The following CREB1 variants were observed in gnomAD, a reference collection of about 807,000 sequenced individuals.
The protein encoded by CREB1 is cAMP responsive element binding protein 1.
A neutral mutation model predicts 42.0 loss-of-function variants in CREB1; 2 were observed. The observed-to-expected ratio is 0.05, with a 90% CI of 0.02 to 0.15. The LOEUF (loss-of-function observed/expected upper bound fraction) is 0.15. Ranked by LOEUF, CREB1 falls within the 10% of genes least tolerant of loss-of-function variation. CREB1 has a pLI of 1.00. For missense variants in CREB1, 199 were observed against 388.9 expected, an observed-to-expected ratio of 0.51 and a Z score of 4.11; for synonymous variants, 123 against 139.9, an observed-to-expected ratio of 0.88 and a Z score of 0.85.
Position 207,598,900 on chromosome 2 carries a change from G to A in CREB1, c.*1842G>A, listed in dbSNP as rs79736988. Reference sequence around the variant, plus strand: ...GAAATTCCTTTTAAAAAAGAGTTGAGACACTTAGAAAACTAATGTTTTATA... The same window carrying A: ...GAAATTCCTTTTAAAAAAGAGTTGAAACACTTAGAAAACTAATGTTTTATA... On this transcript the variant is annotated 3_prime_UTR_variant, in exon 8 of 8. Coordinates refer to ENST00000353267, the MANE Select transcript of CREB1 (RefSeq NM_004379.5). 5.8e-3 allele frequency: 1,030 copies of A among 179,006 alleles called. 13 individuals are homozygous for A. The highest frequency in any genetic ancestry group is 0.023 in the African/African-American group (977 of 42,430). 11.1% of individuals were successfully genotyped at this position (179,006 alleles called of 1,614,324 possible).
chr2:207,588,747 G>GTT (rs2084383700), intron 7 of CREB1, among the ~76,000 whole-genome samples: 2 of 145,290 alleles, frequency 1.4e-5, no homozygotes, highest in South Asian at 4.3e-4. Context: ...TTTTTTGTGT[G>GTT]TGGGGGTGGG....
intron 7 of CREB1, among the ~76,000 whole-genome samples, chr2:207,589,278 C>T (rs2106636546): frequency 6.6e-6 from 1 of 152,292 alleles, no homozygotes; most frequent in Admixed American, 6.5e-5. Context: ...CCATTTCTAG[C>T]TTCTAGAGGC....
intron 7 of CREB1, among the ~76,000 whole-genome samples, chr2:207,579,521 A>T (rs1039016706): frequency 1.3e-5 from 2 of 152,182 alleles, no homozygotes; most frequent in South Asian, 4.1e-4. Flanking sequence ...TTTCTTTCAG[A>T]TTTATGACCA....
rs528447298 is a variant in CREB1, at chr2:207,602,979, T to C, written c.*5921T>C. 4.7e-6 allele frequency: 1 copy of C among 214,332 alleles called. No individual in the cohort carries two copies. Among genetic ancestry groups the C allele is most frequent in the East Asian group, 6.9e-5 (1 of 14,412 alleles). 13.3% of individuals were successfully genotyped at this position (214,332 alleles called of 1,614,324 possible). On this transcript the variant is annotated 3_prime_UTR_variant, in exon 8 of 8. Coordinates refer to ENST00000353267, the MANE Select transcript of CREB1 (RefSeq NM_004379.5). ...ATAATCAGGGAAGTTCCTAGAAAGG[T>C]GTTTGGCTTTTTGGTTTTTGAGGGT...
intron 3 of CREB1, among the ~76,000 whole-genome samples, chr2:207,562,765 T>C (rs1280864619): frequency 6.6e-6 from 1 of 152,220 alleles, no homozygotes; most frequent in Non-Finnish European, 1.5e-5. Context: ...GGAGAGGATC[T>C]TCTAGATGGG....
chr2:207,570,398 C>A, intron 5 of CREB1, 77 bp downstream of exon 5: 1 of 1,370,040 alleles, frequency 7.3e-7, no homozygotes, highest in Non-Finnish European at 9.9e-7. Flanking sequence ...GCATTCTCTT[C>A]AGAGAAACCA....
chr2:207,591,407 A>G (rs925848299), intron 7 of CREB1, among the ~76,000 whole-genome samples: 14 of 152,160 alleles, frequency 9.2e-5, no homozygotes, highest in Admixed American at 9.2e-4. Context: ...TGATACTAAT[A>G]AAACTACCCC....
chr2:207,591,621 CG>C (rs1196809085), intron 7 of CREB1, among the ~76,000 whole-genome samples: 1 of 152,036 alleles, frequency 6.6e-6, no homozygotes, highest in Non-Finnish European at 1.5e-5. Flanking sequence ...TTAGTAGAGA[CG>C]GGGTTTCGCC....
chr2:207,569,814 C>T (rs1310084331), intron 4 of CREB1, among the ~76,000 whole-genome samples: 1 of 151,902 alleles, frequency 6.6e-6, no homozygotes, highest in Non-Finnish European at 1.5e-5. Flanking sequence ...GAGGCCAAGG[C>T]GGGTGGATCA....
At chr2:207,564,630 C>A (rs558477600) in intron 3 of CREB1, among the ~76,000 whole-genome samples, 1 of 152,076 alleles carries the variant, frequency 6.6e-6, no homozygotes, top group East Asian at 1.9e-4. Flanking sequence ...CGAATATTAC[C>A]ATTGTTTTGA....
rs1291311289 is a variant in CREB1 at position 207,602,682 on chromosome 2, T to C, written c.*5624T>C. The C allele has an allele frequency of 4.8e-6, 1 of 210,190 alleles. No homozygotes were observed. The highest frequency in any genetic ancestry group is 7.2e-5 in the East Asian group (1 of 13,970). The allele number at this position is 210,190 out of a possible 1,614,324, so 13.0% of individuals were successfully genotyped here. A position where few individuals can be genotyped will look rare whatever the true frequency, so the allele number is the denominator to read the frequency against. ...GTTTTATTTTCTTATGTTTTTAAAATTGGTAAATGCTTTATAGATGTATTT... is the reference window on the plus strand; with the variant it reads ...GTTTTATTTTCTTATGTTTTTAAAACTGGTAAATGCTTTATAGATGTATTT... On this transcript the variant is annotated 3_prime_UTR_variant, in exon 8 of 8. Transcript: ENST00000353267.
Position 207,597,079 on chromosome 2 carries a change from C to A in CREB1, c.*21C>A. On this transcript the variant is annotated 3_prime_UTR_variant, in exon 8 of 8. Coordinates refer to ENST00000353267, the MANE Select transcript of CREB1 (RefSeq NM_004379.5). ...ATTAATTTGGGATTTAAATTTTCAC[C>A]TGTTAAGGTGGAAAATGGACTGGCT... 1 of 1,581,040 alleles carries A rather than the reference C, an allele frequency of 6.3e-7. No individual in the cohort carries two copies. Among genetic ancestry groups the A allele is most frequent in the Non-Finnish European group, 8.6e-7 (1 of 1,169,044 alleles).
chr2:207,554,097 G>A (rs1009600859), intron 1 of CREB1, among the ~76,000 whole-genome samples: 13 of 151,918 alleles, frequency 8.6e-5, no homozygotes, highest in African/African-American at 3.1e-4. Flanking sequence ...TATTACTATC[G>A]ATTATATGGT....
At chr2:207,595,284 G>A (rs953864425) in intron 7 of CREB1, among the ~76,000 whole-genome samples, 4 of 151,478 alleles carry the variant, frequency 2.6e-5, no homozygotes, top group Admixed American at 2.0e-4. Flanking sequence ...ATGAGCCACC[G>A]CACCCAGCCT....
intron 1 of CREB1, among the ~76,000 whole-genome samples, chr2:207,547,839 C>G (rs1270982489): frequency 6.6e-6 from 1 of 151,972 alleles, no homozygotes; most frequent in African/African-American, 2.4e-5. Flanking sequence ...TAAGAAAGCA[C>G]TACAGCTTTC....
At chr2:207,535,429 G>T (rs1040898920) in intron 1 of CREB1, among the ~76,000 whole-genome samples, 25 of 151,360 alleles carry the variant, frequency 1.7e-4, no homozygotes, top group Non-Finnish European at 1.3e-4. Flanking sequence ...GTTTTTTTGG[G>T]TTTTTTTTAA....
At position 207,600,238 on chromosome 2, in the gene CREB1, CATAT is replaced by C. The variant is rs71036937; in HGVS notation, c.*3202_*3205del. On this transcript the variant is annotated 3_prime_UTR_variant, in exon 8 of 8. Transcript: ENST00000353267. ...GTGGCATTTGTATAATATATGTGTA[CATAT>C]ATATATATATATATATATATACATA... 5,635 of 145,390 alleles carry C rather than the reference CATAT, an allele frequency of 0.039. 108 individuals carry two copies. Among genetic ancestry groups the C allele is most frequent in the African/African-American group, 0.06 (2,296 of 38,340 alleles). The allele number at this position is 145,390 out of a possible 1,614,324, so 9.0% of individuals were successfully genotyped here.
intron 1 of CREB1, among the ~76,000 whole-genome samples, chr2:207,546,723 T>G (rs912847123): frequency 7.7e-6 from 1 of 129,816 alleles, no homozygotes; most frequent in African/African-American, 2.5e-5. Flanking sequence ...AGTGAGACCC[T>G]ATATCAAAAA....
At chr2:207,576,775 A>G in intron 6 of CREB1, 1 of 1,040,288 alleles carries the variant, frequency 9.6e-7, no homozygotes, top group South Asian at 3.2e-5. Context: ...ATAATTTTAT[A>G]AAGACCTTCA....
Sources: allele counts gnomAD v4.1 joint callset (sites outside exome capture counted in the v4.1 genomes callset), GRCh38; gene constraint gnomAD v4.1.1; transcripts MANE v1.5; gene names NCBI Gene and HGNC (gene_info 2026-07-23, HGNC 2026-07-21).